USP31: variants seen among roughly 807,000 people sequenced by gnomAD.
The protein encoded by USP31 is ubiquitin carboxyl-terminal hydrolase 31.
In USP31, 44 loss-of-function variants were observed where a neutral mutation model predicts 119.4. The ratio of observed to expected loss-of-function variants is 0.37; its 90% CI spans 0.29 to 0.47. The LOEUF (loss-of-function observed/expected upper bound fraction) is 0.47, where lower values mean the gene tolerates loss of function less well. Among genes scored for constraint, USP31 ranks in the 20% least tolerant of loss-of-function variants. USP31 has a pLI of 0.99. For missense variants in USP31, 1,643 were observed against 1,730.2 expected, an observed-to-expected ratio of 0.95 and a Z score of 0.89; for synonymous variants, 749 against 705.6, an observed-to-expected ratio of 1.06 and a Z score of -0.97.
chr16:23,141,279 C>A (rs1022446982), intron 1 of USP31, among the ~76,000 whole-genome samples: 3 of 152,242 alleles, frequency 2.0e-5, no homozygotes, highest in Non-Finnish European at 4.4e-5. Context: ...ACCCTCAGCT[C>A]TTTCCAACTA....
At chr16:23,099,100 T>A (rs1596708900) in intron 6 of USP31, among the ~76,000 whole-genome samples, 1 of 152,102 alleles carries the variant, frequency 6.6e-6, no homozygotes, top group Non-Finnish European at 1.5e-5. Context: ...ATCCAGAATC[T>A]ATAAAGAACT....
chr16:23,129,866 T>C (rs555002036), intron 1 of USP31, among the ~76,000 whole-genome samples: 1 of 152,284 alleles, frequency 6.6e-6, no homozygotes, highest in East Asian at 1.9e-4. Flanking sequence ...GGATGTACTC[T>C]GGACCCAGGA....
At chr16:23,077,364 G>T (rs139014785) in intron 13 of USP31, among the ~76,000 whole-genome samples, 34 of 152,286 alleles carry the variant, frequency 2.2e-4, no homozygotes, top group South Asian at 4.2e-4. Flanking sequence ...GAACTAAAAG[G>T]GTTTCAAGAA....
chr16:23,143,848 A>G (rs1431011250), intron 1 of USP31, among the ~76,000 whole-genome samples: 1 of 148,902 alleles, frequency 6.7e-6, no homozygotes, highest in Admixed American at 6.7e-5. Flanking sequence ...ACAACCAAGT[A>G]GGGTTCCAGA....
chr16:23,078,524 T>G lies in USP31; in HGVS notation c.2176+1422A>C, dbSNP rs1434416569. Among the ~76,000 whole-genome samples the G allele has an allele frequency of 2.0e-5, 3 of 151,758 alleles. No homozygotes were observed. In the East Asian group the frequency reaches 5.8e-4, roughly 30 times the overall value. ...GGCTCCTTTCCCCGACAGCTGACCC[T>G]CCCCCTCCAGCACGCTCTGGCCACT... On this transcript the variant is annotated intron_variant, in intron 13 of 15. Coordinates refer to ENST00000219689, the MANE Select transcript of USP31 (RefSeq NM_020718.4).
rs184560028 is a variant in USP31, at chr16:23,064,416, T to C, written c.*3630A>G. On this transcript the variant is annotated 3_prime_UTR_variant, in exon 16 of 16. Coordinates refer to ENST00000219689, the MANE Select transcript of USP31 (RefSeq NM_020718.4). ...CATACTGTTGCTATTTTTTTCATGA[T>C]AGTTATTTTAAGGGAATGACAATGT... 6.6e-6 allele frequency: 1 copy of C among 152,210 alleles called. No individual in the cohort carries two copies. The highest frequency in any genetic ancestry group is 1.5e-5 in the Non-Finnish European group (1 of 68,038). 9.4% of individuals were successfully genotyped at this position (152,210 alleles called of 1,614,324 possible). A position where few individuals can be genotyped will look rare whatever the true frequency, so the allele number is the denominator to read the frequency against.
intron 6 of USP31, among the ~76,000 whole-genome samples, chr16:23,094,552 G>GT (rs1297293786): frequency 1.3e-5 from 2 of 152,186 alleles, no homozygotes; most frequent in Admixed American, 6.5e-5. Flanking sequence ...CCTCAAGTGG[G>GT]TCCCTGACTC....
rs1253240440 is a variant in USP31 at position 23,090,662 on chromosome 16, C to T, written c.1377G>A (p.Leu459=). 1.9e-6 allele frequency: 3 copies of T among 1,613,950 alleles called. No individual in the cohort carries two copies. The South Asian group carries it at 3.3e-5, about 18-fold the overall frequency. ...GCCCAGTGCAGGCTCGGTTACACAC[C>T]AACAGGACAATCTTGTCGCTGCCTG... ...SRAGSDKIVL[L]VCNRACTGQQ... Residue 459 remains leucine (L), a synonymous_variant, in exon 7 of 16, where the codon TTG becomes TTA. Transcript: ENST00000219689.
Position 23,080,185 on chromosome 16 carries a change from A to T in USP31, c.1951-14T>A. The T allele has an allele frequency of 6.5e-7, 1 of 1,528,656 alleles. No homozygotes were observed. Among genetic ancestry groups the T allele is most frequent in the South Asian group, 1.3e-5 (1 of 76,538 alleles). 94.7% of individuals were successfully genotyped at this position (1,528,656 alleles called of 1,614,324 possible). ...CCTGTCTCCTTCCTGTTGCAAGAAG[A>T]AAAACAAGTTCTGGTGATATTTTAA... On this transcript the variant is annotated splice_polypyrimidine_tract_variant and intron_variant, in intron 12 of 15. Coordinates refer to ENST00000219689, the MANE Select transcript of USP31 (RefSeq NM_020718.4).
At chr16:23,090,246 T>A (rs1235505750) in intron 7 of USP31, among the ~76,000 whole-genome samples, 4 of 151,726 alleles carry the variant, frequency 2.6e-5, no homozygotes, top group African/African-American at 9.7e-5. Flanking sequence ...ATCCGCTGGG[T>A]GTGGTGGCTG....
chr16:23,149,371 G>A lies in USP31; in HGVS notation c.-101C>T. ...GCAGCGCCGCGCCTCACCGGGCCCG[G>A]GGGCTCGACGCCCCACACACCTCAA... On this transcript the variant is annotated 5_prime_UTR_variant, in exon 1 of 16. Transcript: ENST00000219689. 1.0e-6 allele frequency: 1 copy of A among 988,646 alleles called. No individual in the cohort carries two copies. The highest frequency in any genetic ancestry group is 1.2e-6 in the Non-Finnish European group (1 of 833,226). The allele number at this position is 988,646 out of a possible 1,614,324, so 61.2% of individuals were successfully genotyped here.
At chr16:23,081,948 C>T (rs1010636222) in intron 12 of USP31, among the ~76,000 whole-genome samples, 9 of 152,248 alleles carry the variant, frequency 5.9e-5, no homozygotes, top group African/African-American at 2.2e-4. Flanking sequence ...CCATTTACCT[C>T]TTACAATGAG....
At chr16:23,098,188 CAGAG>C (rs1411798720) in intron 6 of USP31, among the ~76,000 whole-genome samples, 1 of 151,468 alleles carries the variant, frequency 6.6e-6, no homozygotes, top group African/African-American at 2.4e-5. Context: ...AACAGACAAA[CAGAG>C]AGCCAAATCA....
At chr16:23,084,562 A>T (rs1005765945) in intron 11 of USP31, among the ~76,000 whole-genome samples, 2 of 152,214 alleles carry the variant, frequency 1.3e-5, no homozygotes, top group Non-Finnish European at 2.9e-5. Flanking sequence ...TAAGGAAAAG[A>T]TCTTAAAACT....
At chr16:23,078,042 A>G (rs984331951) in intron 13 of USP31, among the ~76,000 whole-genome samples, 6 of 152,166 alleles carry the variant, frequency 3.9e-5, no homozygotes, top group Non-Finnish European at 7.3e-5. Flanking sequence ...GGCCGGGCGC[A>G]GTGGCTCATG....
At chr16:23,136,171 A>G (rs1903184198) in intron 1 of USP31, among the ~76,000 whole-genome samples, 1 of 152,192 alleles carries the variant, frequency 6.6e-6, no homozygotes, top group Admixed American at 6.5e-5. Flanking sequence ...ATAAAGTTGG[A>G]CCCTTACCAA....
At chr16:23,118,060 A>T (rs929842768) in intron 1 of USP31, among the ~76,000 whole-genome samples, 1 of 152,180 alleles carries the variant, frequency 6.6e-6, no homozygotes, top group African/African-American at 2.4e-5. Flanking sequence ...AAGTGCTGGG[A>T]TTACAGGTGT....
chr16:23,121,068 C>T (rs1902651871), intron 1 of USP31, among the ~76,000 whole-genome samples: 1 of 152,180 alleles, frequency 6.6e-6, no homozygotes, highest in Non-Finnish European at 1.5e-5. Context: ...CTTGCATTGA[C>T]TCACTATTCT....
chr16:23,147,968 C>T (rs1225324069), intron 1 of USP31, among the ~76,000 whole-genome samples: 2 of 152,102 alleles, frequency 1.3e-5, no homozygotes, highest in East Asian at 1.9e-4. Flanking sequence ...CCTGTCAGCA[C>T]ATCAATCACA....
Sources: gnomAD v4.1 joint callset for allele counts (sites outside exome capture counted in the v4.1 genomes callset) on GRCh38, gnomAD v4.1.1 for gene constraint, MANE v1.5 for transcripts, NCBI Gene and HGNC (gene_info 2026-07-23, HGNC 2026-07-21) for gene names.